Variants in PPP2R3A observed in about 807,000 individuals in gnomAD.
The protein encoded by PPP2R3A is serine/threonine-protein phosphatase 2A regulatory subunit B'' subunit alpha.
PPP2R3A carries 80 observed loss-of-function variants against 106.9 expected under a neutral mutation model. The observed-to-expected ratio is 0.75, with a 90% CI of 0.62 to 0.90. PPP2R3A has a LOEUF of 0.90. Ranked by LOEUF, PPP2R3A falls within the 40% of genes least tolerant of loss-of-function variation. The pLI is 0.00. For synonymous variants in PPP2R3A, 483 were observed against 468.3 expected, an observed-to-expected ratio of 1.03 and a Z score of -0.41; for missense variants, 1,386 against 1,350.4, an observed-to-expected ratio of 1.03 and a Z score of -0.41.
At chr3:136,080,684 G>C (rs1054205310) in intron 7 of PPP2R3A, among the ~76,000 whole-genome samples, 1 of 152,116 alleles carries the variant, frequency 6.6e-6, no homozygotes, top group East Asian at 1.9e-4. Flanking sequence ...ATTTTTGTCT[G>C]TATTCATCTA....
intron 13 of PPP2R3A, among the ~76,000 whole-genome samples, chr3:136,107,095 T>C (rs1434885354): frequency 6.6e-6 from 1 of 152,126 alleles, no homozygotes; most frequent in Non-Finnish European, 1.5e-5. Context: ...TTAAGAAATT[T>C]AATTATCCAA....
At chr3:136,105,732 C>T (rs777793660) in intron 12 of PPP2R3A, among the ~76,000 whole-genome samples, 1 of 152,066 alleles carries the variant, frequency 6.6e-6, no homozygotes, top group Admixed American at 6.6e-5. Flanking sequence ...GACGCTGAGG[C>T]GGGCAGATCA....
At chr3:136,078,002 G>T (rs1238679382) in intron 6 of PPP2R3A, among the ~76,000 whole-genome samples, 1 of 152,040 alleles carries the variant, frequency 6.6e-6, no homozygotes, top group South Asian at 2.1e-4. Flanking sequence ...CAATCATTAG[G>T]CCAACCCAGG....
chr3:135,989,939 G>T (rs553322454), intron 1 of PPP2R3A, among the ~76,000 whole-genome samples: 25 of 152,188 alleles, frequency 1.6e-4, no homozygotes, highest in African/African-American at 5.8e-4. Flanking sequence ...AGCCCAAAAG[G>T]ATATTTACAA....
intron 3 of PPP2R3A, among the ~76,000 whole-genome samples, chr3:136,030,794 G>A (rs865917065): frequency 6.2e-3 from 650 of 104,256 alleles, no homozygotes; most frequent in African/African-American, 0.01. Flanking sequence ...ATGTATGTAT[G>A]TATGTATGTA....
At chr3:136,081,622 A>C (rs1196862742) in intron 7 of PPP2R3A, among the ~76,000 whole-genome samples, 1 of 151,542 alleles carries the variant, frequency 6.6e-6, no homozygotes, top group Non-Finnish European at 1.5e-5. Flanking sequence ...ATATGTCTTT[A>C]TTTATCTGCC....
chr3:136,001,938 A>C lies in PPP2R3A; in HGVS notation c.440A>C (p.Lys147Thr), dbSNP rs1175810355. The C allele has an allele frequency of 6.2e-7, 1 of 1,614,094 alleles. No homozygotes were observed. Among genetic ancestry groups the C allele is most frequent in the Admixed American group, 1.7e-5 (1 of 60,008 alleles). Residue 147 changes from lysine (K) to threonine (T), a missense_variant, in exon 2 of 14, where the codon AAG becomes ACG. Lys to Thr is a moderately conservative substitution (Grantham distance 78, BLOSUM62 -1). Transcript: ENST00000264977. ...GCTTACAGAAAGGGAAGGAAAGTTAAGTCTGACTCATTTAATAGGAGGTCA... is the reference window on the plus strand; with the variant it reads ...GCTTACAGAAAGGGAAGGAAAGTTACGTCTGACTCATTTAATAGGAGGTCA... The part of the protein sequence containing the change: ...HAAYRKGRKV[K>T]SDSFNRRSVD...
At chr3:135,980,705 A>C (rs1047934279) in intron 1 of PPP2R3A, among the ~76,000 whole-genome samples, 1 of 151,916 alleles carries the variant, frequency 6.6e-6, no homozygotes, top group Non-Finnish European at 1.5e-5. Context: ...GTTTCCCTTA[A>C]GAGCCAGTTG....
intron 13 of PPP2R3A, among the ~76,000 whole-genome samples, chr3:136,142,127 G>A (rs1031818071): frequency 3.9e-5 from 6 of 152,126 alleles, no homozygotes; most frequent in African/African-American, 1.4e-4. Flanking sequence ...TAAAGCCATG[G>A]GAAAGACTAA....
chr3:135,990,866 C>T (rs1339000798), intron 1 of PPP2R3A, among the ~76,000 whole-genome samples: 6 of 151,964 alleles, frequency 3.9e-5, no homozygotes, highest in Admixed American at 2.6e-4. Context: ...CACATTTGAT[C>T]TTGTCTCCTC....
intron 13 of PPP2R3A, among the ~76,000 whole-genome samples, chr3:136,140,466 C>G (rs1183012248): frequency 1.4e-5 from 2 of 142,612 alleles, no homozygotes; most frequent in African/African-American, 5.8e-5. Flanking sequence ...AAAAAAAAAC[C>G]CGGGCTCAGT....
At chr3:136,135,441 A>G (rs933678731) in intron 13 of PPP2R3A, among the ~76,000 whole-genome samples, 3 of 152,228 alleles carry the variant, frequency 2.0e-5, no homozygotes, top group Non-Finnish European at 4.4e-5. Context: ...CCAAGGCTAA[A>G]TCAACTAGGG....
rs1934691666 is a variant in PPP2R3A, at chr3:136,027,093, G to A, written c.2257G>A (p.Ala753Thr). 1 of 1,611,732 alleles carries A rather than the reference G, an allele frequency of 6.2e-7. No individual in the cohort carries two copies. The highest frequency in any genetic ancestry group is 1.3e-5 in the African/African-American group (1 of 74,944). The change falls in exon 3 of 14, where the codon GCA becomes ACA. Residue 753 changes from alanine to threonine, a missense_variant. Ala to Thr is a moderately conservative substitution (Grantham distance 58, BLOSUM62 0). Transcript: ENST00000264977. ...AGACATTTATGAAATGGGGAAAATT[G>A]CAAAGGTAATGTAACTACTAAATGA... ...KADIYEMGKI[A>T]KVCGCPLYWK...
chr3:136,049,150 T>C (rs1308762987), intron 4 of PPP2R3A, 109 bp from the exon 5 acceptor site: 2 of 751,860 alleles, frequency 2.7e-6, no homozygotes, highest in Non-Finnish European at 4.5e-6. Flanking sequence ...CCTTACTTGA[T>C]TGTTGATCTG....
At chr3:136,100,012 C>G (rs944341908) in intron 10 of PPP2R3A, among the ~76,000 whole-genome samples, 26 of 151,698 alleles carry the variant, frequency 1.7e-4, no homozygotes, top group Non-Finnish European at 2.9e-5. Flanking sequence ...ACTGAATAGG[C>G]TCTCAGAAAA....
intron 2 of PPP2R3A, among the ~76,000 whole-genome samples, chr3:136,006,911 G>T (rs1223553278): frequency 2.6e-5 from 4 of 152,220 alleles, no homozygotes; most frequent in Non-Finnish European, 5.9e-5. Flanking sequence ...ATTGCAGACT[G>T]CTCTGCTTAT....
chr3:136,142,362 C>A (rs576827702), intron 13 of PPP2R3A, among the ~76,000 whole-genome samples: 7 of 152,240 alleles, frequency 4.6e-5, no homozygotes, highest in African/African-American at 1.2e-4. Flanking sequence ...GCCCAAATGT[C>A]CCCTGGCGGC....
chr3:136,007,731 G>GT (rs1350047859), intron 2 of PPP2R3A, among the ~76,000 whole-genome samples: 1 of 152,100 alleles, frequency 6.6e-6, no homozygotes, highest in Admixed American at 6.5e-5. Flanking sequence ...TGAAAATTTT[G>GT]TAACAATTTA....
At chr3:136,065,735 G>A (rs550434891) in intron 5 of PPP2R3A, among the ~76,000 whole-genome samples, 30 of 152,292 alleles carry the variant, frequency 2.0e-4, no homozygotes, top group South Asian at 6.2e-4. Flanking sequence ...GAATGCAGTG[G>A]CACCATCACA....
Sources: gnomAD v4.1 joint callset for allele counts (sites outside exome capture counted in the v4.1 genomes callset) on GRCh38, gnomAD v4.1.1 for gene constraint, MANE v1.5 for transcripts, NCBI Gene and HGNC (gene_info 2026-07-23, HGNC 2026-07-21) for gene names.